Variants in EPG5 observed in about 807,000 individuals in gnomAD.
EPG5 encodes ectopic P granules protein 5 homolog.
A neutral mutation model predicts 302.7 loss-of-function variants in EPG5; 159 were observed. The ratio of observed to expected loss-of-function variants is 0.53; its 90% CI spans 0.46 to 0.60. The LOEUF (loss-of-function observed/expected upper bound fraction) is 0.60. EPG5 is among the 20% of genes least tolerant of loss of function. The pLI is 0.00. For missense variants in EPG5, 2,896 were observed against 3,092.4 expected, an observed-to-expected ratio of 0.94 and a Z score of 1.51; for synonymous variants, 1,158 against 1,136.8, an observed-to-expected ratio of 1.02 and a Z score of -0.37.
intron 24 of EPG5, 114 bp downstream of exon 24, chr18:45,907,844 T>C: frequency 9.8e-7 from 1 of 1,018,044 alleles, no homozygotes; most frequent in African/African-American, 1.7e-5. Context: ...AATGACCATC[T>C]GAGTGACTAC....
chr18:45,800,980 T>C, the EPG5 span, among the ~76,000 whole-genome samples: 1 of 152,298 alleles, frequency 6.6e-6, no homozygotes, highest in East Asian at 1.9e-4. Flanking sequence ...ATCTTCCTCC[T>C]ACTTTCTTAA....
Position 45,887,854 on chromosome 18 carries a change from C to A in EPG5, c.5006G>T (p.Gly1669Val). ...CACAATAGTAAAGAAAAGGCTAATG[C>A]CAACTTTCTGAATCCCAGGTGTAGG... is the stretch of plus-strand genomic sequence containing the variant. ...LQPTPGIQKV[G>V]ISLFFTIVDY... Residue 1669 changes from glycine (G) to valine (V), a missense_variant, in exon 29 of 44, where the codon GGC (glycine) becomes GTC (valine). Transcript: ENST00000282041. 6.3e-7 allele frequency: 1 copy of A among 1,599,602 alleles called. No homozygotes were observed. Among genetic ancestry groups the A allele is most frequent in the East Asian group, 2.2e-5 (1 of 44,544 alleles).
the EPG5 span, among the ~76,000 whole-genome samples, chr18:45,817,104 G>T: frequency 6.6e-5 from 10 of 152,226 alleles, no homozygotes; most frequent in Non-Finnish European, 1.5e-4. Flanking sequence ...ATGAATTTTG[G>T]AGACTCAGGG....
Position 45,951,150 on chromosome 18 carries a change from A to T in EPG5, c.1341T>A (p.Asn447Lys). The T allele has an allele frequency of 6.3e-7, 1 of 1,597,202 alleles. No individual in the cohort carries two copies. The highest frequency in any genetic ancestry group is 1.7e-4 in the Middle Eastern group (1 of 6,024). ...TATCATCATGAAACTGAGTATCTTCATTAACTCTCCTGGTGAACATGAATA... is the reference window on the plus strand; with the variant it reads ...TATCATCATGAAACTGAGTATCTTCTTTAACTCTCCTGGTGAACATGAATA... ...SVLFMFTRRV[N>K]EDTQFHDDIL... Residue 447 changes from asparagine to lysine, a missense_variant, in exon 4 of 44, where the codon AAT (asparagine) becomes AAA (lysine). This residue lies in a region of EPG5 where 1,390 missense variants were observed against 1,430.0 expected (regional missense o/e 0.97). Transcript: ENST00000282041.
At chr18:45,808,034 A>G in the EPG5 span, among the ~76,000 whole-genome samples, 3 of 152,172 alleles carry the variant, frequency 2.0e-5, no homozygotes, top group Admixed American at 6.5e-5. Flanking sequence ...AAAATAAAAA[A>G]CAATAGAAAC....
At chr18:45,918,219 G>A (rs1240878235) in intron 16 of EPG5, among the ~76,000 whole-genome samples, 1 of 152,168 alleles carries the variant, frequency 6.6e-6, no homozygotes, top group East Asian at 1.9e-4. Flanking sequence ...CAGCAAAGAG[G>A]AGACTCAAAA....
intron 5 of EPG5, among the ~76,000 whole-genome samples, chr18:45,949,014 G>T (rs2050846091): frequency 6.6e-6 from 1 of 152,194 alleles, no homozygotes; most frequent in African/African-American, 2.4e-5. Context: ...AAAGGCAACA[G>T]CAGAGAGGAG....
intron 29 of EPG5, among the ~76,000 whole-genome samples, chr18:45,886,893 G>A (rs1476613489): frequency 1.3e-5 from 2 of 152,082 alleles, no homozygotes; most frequent in African/African-American, 4.8e-5. Flanking sequence ...CCCAACCTCA[G>A]ATGATCTGCC....
At chr18:45,938,951 G>A (rs565529762) in intron 10 of EPG5, among the ~76,000 whole-genome samples, 37 of 152,190 alleles carry the variant, frequency 2.4e-4, no homozygotes, top group Non-Finnish European at 3.4e-4. Context: ...AAGCACAGCT[G>A]GGTGGGGGTG....
Position 45,917,568 on chromosome 18 carries a change from C to G in EPG5, c.3239+111G>C, listed in dbSNP as rs960099443. The G allele has an allele frequency of 3.7e-6, 5 of 1,344,560 alleles. No individual in the cohort carries two copies. In the East Asian group the frequency reaches 9.4e-5, roughly 25 times the overall value. 83.3% of individuals were successfully genotyped at this position (1,344,560 alleles called of 1,614,324 possible). On this transcript the variant is annotated intron_variant, in intron 17 of 43. Coordinates refer to ENST00000282041, the MANE Select transcript of EPG5 (RefSeq NM_020964.3). ...TGCAGAATATTTTTGCCCCATAATA[C>G]GCTGTTGAAATAGCATTCCCTTTAT...
intron 13 of EPG5, 101 bp downstream of exon 13, chr18:45,928,768 C>T (rs983217433): frequency 2.6e-6 from 3 of 1,137,502 alleles, no homozygotes; most frequent in Non-Finnish European, 3.8e-6. Context: ...CTGTTTATAC[C>T]CCTAGTGACA....
chr18:45,844,893 C>G (rs1277871736), downstream of EPG5, among the ~76,000 whole-genome samples: 1 of 152,180 alleles, frequency 6.6e-6, no homozygotes, highest in African/African-American at 2.4e-5. Context: ...AGGCCAGTTT[C>G]ACAGCCAAGA....
chr18:45,907,532 G>T (rs1341111448), intron 24 of EPG5, among the ~76,000 whole-genome samples: 2 of 152,098 alleles, frequency 1.3e-5, no homozygotes, highest in East Asian at 3.9e-4. Flanking sequence ...CCAAACAAAG[G>T]TGAGCTCCTG....
rs1386826878 is a variant in EPG5 at position 45,849,400 on chromosome 18, G to T, written c.*3067C>A. On this transcript the variant is annotated 3_prime_UTR_variant, in exon 44 of 44. Coordinates refer to ENST00000282041, the MANE Select transcript of EPG5 (RefSeq NM_020964.3). Reference sequence around the variant, plus strand: ...GGAGAGGCAGGAGGATCCCTGCAGAGTGAGAGGGGCACTAGATGAACGTGA... The same window carrying T: ...GGAGAGGCAGGAGGATCCCTGCAGATTGAGAGGGGCACTAGATGAACGTGA... 6.6e-6 allele frequency: 1 copy of T among 152,310 alleles called. No individual in the cohort carries two copies. Among genetic ancestry groups the T allele is most frequent in the Non-Finnish European group, 1.5e-5 (1 of 68,102 alleles). 9.4% of individuals were successfully genotyped at this position (152,310 alleles called of 1,614,324 possible).
the EPG5 span, among the ~76,000 whole-genome samples, chr18:45,802,090 C>T: frequency 2.6e-5 from 4 of 152,140 alleles, no homozygotes; most frequent in African/African-American, 9.7e-5. Flanking sequence ...CCTCCTGTTC[C>T]CTGTGATCCT....
intron 14 of EPG5, 58 bp from the exon 15 acceptor site, chr18:45,923,445 C>A: frequency 6.4e-7 from 1 of 1,565,280 alleles, no homozygotes; most frequent in East Asian, 2.3e-5. Flanking sequence ...TGTTTTTGTA[C>A]CTTTGAATCA....
At chr18:45,966,818 T>C (rs1280724951) in intron 1 of EPG5, among the ~76,000 whole-genome samples, 6 of 152,146 alleles carry the variant, frequency 3.9e-5, no homozygotes, top group Admixed American at 1.3e-4. Flanking sequence ...AAAAATGTTC[T>C]AGGATATAAA....
chr18:45,825,921 G>A, the EPG5 span: 1 of 951,190 alleles, frequency 1.1e-6, no homozygotes, highest in Non-Finnish European at 1.6e-6. Context: ...TGCGCTTGGG[G>A]CCTGTGGTGC....
At chr18:45,919,605 C>A (rs573087096) in intron 16 of EPG5, among the ~76,000 whole-genome samples, 2 of 151,966 alleles carry the variant, frequency 1.3e-5, no homozygotes, top group Admixed American at 1.3e-4. Flanking sequence ...CTCCGCCTCC[C>A]AGGTTCACGC....
Sources: gnomAD v4.1 joint callset for allele counts (sites outside exome capture counted in the v4.1 genomes callset) on GRCh38, gnomAD v4.1.1 for gene constraint, gnomAD v4.1.1 regional missense constraint, MANE v1.5 for transcripts, NCBI Gene and HGNC (gene_info 2026-07-23, HGNC 2026-07-21) for gene names.